The following C12orf42 variants were observed in gnomAD, a reference collection of about 807,000 sequenced individuals.
C12orf42 encodes chromosome 12 open reading frame 42.
C12orf42 carries 25 observed loss-of-function variants against 21.6 expected under a neutral mutation model. The observed-to-expected ratio is 1.16, with a 90% CI of 0.84 to 1.62. The LOEUF is 1.62. Among genes scored for constraint, C12orf42 ranks in the 40% most tolerant of loss-of-function variants. The pLI is 0.00. For missense variants in C12orf42, 483 were observed against 459.3 expected (o/e 1.05, Z -0.47); for synonymous variants, 174 against 175.0 (o/e 0.99, Z 0.05).
chr12:103,258,546 T>G (rs193262514), intron 10 of C12orf42, among the ~76,000 whole-genome samples: 34 of 151,674 alleles, frequency 2.2e-4, no homozygotes, highest in Middle Eastern at 3.4e-3. Context: ...TAAAAATATA[T>G]AGAGAAATCA....
At chr12:103,074,782 G>A in the C12orf42 span, among the ~76,000 whole-genome samples, 1 of 152,140 alleles carries the variant, frequency 6.6e-6, no homozygotes, top group African/African-American at 2.4e-5. Flanking sequence ...TACAACATTA[G>A]TTGAGATAGA....
At chr12:103,473,567 G>A (rs1468847111) in intron 2 of C12orf42, among the ~76,000 whole-genome samples, 2 of 152,168 alleles carry the variant, frequency 1.3e-5, no homozygotes, top group Non-Finnish European at 2.9e-5. Context: ...AAAACTCACA[G>A]TCCAATGCTC....
intron 4 of C12orf42, among the ~76,000 whole-genome samples, chr12:103,291,744 C>T (rs139458242): frequency 3.3e-5 from 5 of 152,180 alleles, no homozygotes; most frequent in Non-Finnish European, 7.4e-5. Context: ...ACCATTTTAC[C>T]ATATTGTAAT....
chr12:103,452,018 G>C (rs1017476675), intron 2 of C12orf42, among the ~76,000 whole-genome samples: 1 of 151,916 alleles, frequency 6.6e-6, no homozygotes, highest in Non-Finnish European at 1.5e-5. Flanking sequence ...TTATTGCTCG[G>C]GAGTTCATGG....
the C12orf42 span, among the ~76,000 whole-genome samples, chr12:103,198,528 G>A: frequency 7.2e-5 from 11 of 152,302 alleles, no homozygotes; most frequent in African/African-American, 2.6e-4. Context: ...GGCATCCCTC[G>A]CCATGCTCCA....
the C12orf42 span, among the ~76,000 whole-genome samples, chr12:103,129,982 A>G: frequency 1.1e-4 from 17 of 152,120 alleles, no homozygotes; most frequent in African/African-American, 4.1e-4. Context: ...AAGGATACCA[A>G]CTAGCTAGAA....
At chr12:103,178,348 C>A in the C12orf42 span, 1 of 152,304 alleles carries the variant, frequency 6.6e-6, no homozygotes, top group East Asian at 1.9e-4. Context: ...CCCTACAATG[C>A]TGACTGGGAT....
intron 4 of C12orf42, among the ~76,000 whole-genome samples, chr12:103,344,773 GAAA>G (rs2042467636): frequency 6.6e-6 from 1 of 152,162 alleles, no homozygotes; most frequent in African/African-American, 2.4e-5. Flanking sequence ...CTAGTCTACA[GAAA>G]AAGAAGAGTG....
intron 4 of C12orf42, among the ~76,000 whole-genome samples, chr12:103,354,252 G>A (rs2043337145): frequency 6.6e-6 from 1 of 152,092 alleles, no homozygotes; most frequent in Non-Finnish European, 1.5e-5. Context: ...CCTTCCCAAA[G>A]CACATTTAGA....
intron 3 of C12orf42, among the ~76,000 whole-genome samples, chr12:103,375,849 C>CA (rs1353315500): frequency 6.6e-6 from 1 of 152,148 alleles, no homozygotes; most frequent in African/African-American, 2.4e-5. Flanking sequence ...GTCAAATGGA[C>CA]AAGGTCAAAG....
At chr12:103,218,165 A>G in the C12orf42 span, among the ~76,000 whole-genome samples, 2 of 152,034 alleles carry the variant, frequency 1.3e-5, no homozygotes, top group Non-Finnish European at 2.9e-5. Context: ...CTGTAATCCC[A>G]ACTACTCAAG....
chr12:103,251,893 C>A (rs753342871), intron 10 of C12orf42, among the ~76,000 whole-genome samples: 10 of 152,134 alleles, frequency 6.6e-5, no homozygotes, highest in Admixed American at 2.0e-4. Flanking sequence ...TTAACACTGA[C>A]CACCAAGGTG....
intron 2 of C12orf42, among the ~76,000 whole-genome samples, chr12:103,452,466 G>A (rs975289276): frequency 6.6e-6 from 1 of 152,106 alleles, no homozygotes; most frequent in African/African-American, 2.4e-5. Flanking sequence ...ATGGCAAATG[G>A]CATAGATTTA....
rs558543814 is a variant in C12orf42, at chr12:103,403,067, C to A, written c.79-1392G>T. ...TCTGCGCTGGGCACATGGTAAGCAT[C>A]CAATCAATGCACTTAAAGAATGCAG... On this transcript the variant is annotated intron_variant, in intron 2 of 5. Coordinates refer to ENST00000548883, the MANE Select transcript of C12orf42 (RefSeq NM_198521.5). Among the ~76,000 whole-genome samples, 3 of 152,214 alleles carry A rather than the reference C, an allele frequency of 2.0e-5. No individual in the cohort carries two copies. In the East Asian group the frequency reaches 5.8e-4, roughly 29 times the overall value.
the C12orf42 span, among the ~76,000 whole-genome samples, chr12:103,086,646 C>T: frequency 5.3e-5 from 8 of 151,776 alleles, no homozygotes; most frequent in Non-Finnish European, 1.2e-4. Flanking sequence ...TAAAGGGCAG[C>T]TCCTGCCGCT....
At chr12:103,073,556 T>G in the C12orf42 span, among the ~76,000 whole-genome samples, 1 of 151,942 alleles carries the variant, frequency 6.6e-6, no homozygotes, top group African/African-American at 2.4e-5. Flanking sequence ...CAAATGTGTT[T>G]TTTTCAAAAG....
chr12:103,088,805 G>A, the C12orf42 span, among the ~76,000 whole-genome samples: 1 of 152,162 alleles, frequency 6.6e-6, no homozygotes, highest in African/African-American at 2.4e-5. Context: ...TGCAGTGAGA[G>A]TCTCAAGAAT....
At chr12:103,358,289 T>C (rs1047728908) in intron 4 of C12orf42, among the ~76,000 whole-genome samples, 5 of 152,096 alleles carry the variant, frequency 3.3e-5, no homozygotes, top group African/African-American at 1.2e-4. Flanking sequence ...AAGAGACCAA[T>C]GAATTATCAT....
the C12orf42 span, among the ~76,000 whole-genome samples, chr12:103,142,358 C>T: frequency 6.6e-6 from 1 of 152,186 alleles, no homozygotes; most frequent in African/African-American, 2.4e-5. Context: ...CTGCTTCTTA[C>T]AGATAACCAC....
Sources: allele counts gnomAD v4.1 joint callset (sites outside exome capture counted in the v4.1 genomes callset), GRCh38; gene constraint gnomAD v4.1.1; transcripts MANE v1.5; gene names NCBI Gene and HGNC (gene_info 2026-07-23, HGNC 2026-07-21).